Variants in TMEM63C observed in about 807,000 individuals in gnomAD.
TMEM63C encodes the protein transmembrane protein 63C.
A neutral mutation model predicts 99.2 loss-of-function variants in TMEM63C; 32 were observed. That is an observed-to-expected ratio of 0.32 (90% CI 0.24 to 0.43). TMEM63C has a LOEUF of 0.43. Ranked by LOEUF, TMEM63C falls within the 20% of genes least tolerant of loss-of-function variation. The pLI is 1.00. For synonymous variants in TMEM63C, 376 were observed against 397.9 expected, an observed-to-expected ratio of 0.94 and a Z score of 0.66; for missense variants, 826 against 1,053.0, an observed-to-expected ratio of 0.78 and a Z score of 2.98.
chr14:77,241,901 G>A (rs924003016), intron 13 of TMEM63C, among the ~76,000 whole-genome samples: 10 of 152,172 alleles, frequency 6.6e-5, no homozygotes, highest in African/African-American at 1.2e-4. Flanking sequence ...TAGGCACCTC[G>A]ATTTAGTCAT....
At chr14:77,214,126 G>GC (rs1367243595) in intron 2 of TMEM63C, among the ~76,000 whole-genome samples, 1 of 151,956 alleles carries the variant, frequency 6.6e-6, no homozygotes, top group Non-Finnish European at 1.5e-5. Context: ...TTTCCATGGT[G>GC]CCCCCTGGAT....
chr14:77,203,237 C>T (rs1263220883), intron 1 of TMEM63C, among the ~76,000 whole-genome samples: 1 of 150,494 alleles, frequency 6.6e-6, no homozygotes, highest in African/African-American at 2.5e-5. Flanking sequence ...AATTAGCCGG[C>T]CGGGCATGGT....
At chr14:77,185,144 CCAAG>C (rs1437714240) in intron 1 of TMEM63C, among the ~76,000 whole-genome samples, 11 of 152,166 alleles carry the variant, frequency 7.2e-5, no homozygotes, top group African/African-American at 2.7e-4. Flanking sequence ...GGACTAGGAC[CCAAG>C]TGTCCTGGGC....
intron 6 of TMEM63C, among the ~76,000 whole-genome samples, 165 bp downstream of exon 6, chr14:77,225,626 C>T (rs1448132348): frequency 6.6e-6 from 1 of 152,186 alleles, no homozygotes; most frequent in African/African-American, 2.4e-5. Flanking sequence ...TCCTGGGGTA[C>T]AGTTGGTGAC....
At chr14:77,240,638 C>A in intron 13 of TMEM63C, 30 bp downstream of exon 13, 2 of 1,601,904 alleles carry the variant, frequency 1.2e-6, no homozygotes, top group Non-Finnish European at 1.7e-6. Flanking sequence ...CCCACCCAGC[C>A]CCAAGCATAC....
intron 1 of TMEM63C, among the ~76,000 whole-genome samples, chr14:77,208,738 G>A (rs1039693284): frequency 3.3e-5 from 5 of 152,214 alleles, no homozygotes; most frequent in African/African-American, 1.2e-4. Context: ...TTGGCACAGG[G>A]CCTGGCATAT....
chr14:77,197,898 C>G (rs1378823032), intron 1 of TMEM63C, among the ~76,000 whole-genome samples: 1 of 152,250 alleles, frequency 6.6e-6, no homozygotes, highest in African/African-American at 2.4e-5. Flanking sequence ...CAGTCACCTA[C>G]AGCCCACATC....
chr14:77,231,489 GA>G (rs1374222868), intron 6 of TMEM63C, 98 bp from the exon 7 acceptor site: 3 of 1,366,972 alleles, frequency 2.2e-6, no homozygotes, highest in African/African-American at 1.5e-5. Context: ...AAAACTTGGG[GA>G]GGGGGTGATC....
chr14:77,255,622 C>G (rs1337804011), intron 23 of TMEM63C, among the ~76,000 whole-genome samples: 1 of 152,214 alleles, frequency 6.6e-6, no homozygotes, highest in African/African-American at 2.4e-5. Flanking sequence ...GATGCAAGTT[C>G]AACATGGGGC....
At chr14:77,194,545 C>CTT (rs748865272) in intron 1 of TMEM63C, among the ~76,000 whole-genome samples, 6,133 of 26,112 alleles carry the variant, frequency 0.23, 392 homozygotes, top group East Asian at 0.31. Flanking sequence ...TTCTTTCTTT[C>CTT]TTTCTTTCTC....
intron 6 of TMEM63C, among the ~76,000 whole-genome samples, chr14:77,226,795 A>C (rs1322430883): frequency 6.8e-6 from 1 of 146,430 alleles, no homozygotes; most frequent in Non-Finnish European, 1.5e-5. Context: ...TTGAGACAGA[A>C]TATCTCTCTG....
intron 22 of TMEM63C, among the ~76,000 whole-genome samples, chr14:77,252,975 G>A (rs556166236): frequency 6.6e-6 from 1 of 152,252 alleles, no homozygotes; most frequent in African/African-American, 2.4e-5. Context: ...AATTAGAGGG[G>A]AAGCCACAGG....
At chr14:77,242,047 GT>G (rs1047051002) in intron 13 of TMEM63C, among the ~76,000 whole-genome samples, 6 of 152,248 alleles carry the variant, frequency 3.9e-5, no homozygotes, top group Non-Finnish European at 5.9e-5. Flanking sequence ...AAGAAAGAGT[GT>G]GTTTATGTGC....
intron 1 of TMEM63C, among the ~76,000 whole-genome samples, chr14:77,187,627 G>A (rs1036507783): frequency 1.3e-5 from 2 of 152,356 alleles, no homozygotes; most frequent in Admixed American, 6.5e-5. Flanking sequence ...GAGCTGCCAA[G>A]TGGAGGAGCA....
At position 77,218,679 on chromosome 14, in the gene TMEM63C, C is replaced by T; in HGVS notation, c.-13-122C>T. 3.2e-6 allele frequency: 3 copies of T among 931,900 alleles called. No homozygotes were observed. The South Asian group carries it at 4.9e-5, about 15-fold the overall frequency. 57.7% of individuals were successfully genotyped at this position (931,900 alleles called of 1,614,324 possible). On this transcript the variant is annotated intron_variant, in intron 2 of 23. Transcript: ENST00000298351. ...GTGGGCTGGCCCTCCTGTCTTGGGT[C>T]TGAAGTGGCCTAGCCTGGCCGAGGC...
At chr14:77,228,105 A>C (rs1028739023) in intron 6 of TMEM63C, among the ~76,000 whole-genome samples, 1 of 152,094 alleles carries the variant, frequency 6.6e-6, no homozygotes, top group African/African-American at 2.4e-5. Context: ...AAAGAGGTGG[A>C]AGGAAGGGAA....
At chr14:77,214,019 C>T (rs766832000) in intron 2 of TMEM63C, among the ~76,000 whole-genome samples, 1 of 152,080 alleles carries the variant, frequency 6.6e-6, no homozygotes, top group Non-Finnish European at 1.5e-5. Context: ...GCACAAGCAG[C>T]CCAGACTCCC....
intron 21 of TMEM63C, among the ~76,000 whole-genome samples, chr14:77,251,418 G>C (rs369409470): frequency 6.6e-6 from 1 of 152,162 alleles, no homozygotes; most frequent in South Asian, 2.1e-4. Context: ...CACTTCAAAA[G>C]GGCTTGCAGG....
At chr14:77,191,538 CTTTTTTTTTTTT>C (rs71125542) in intron 1 of TMEM63C, among the ~76,000 whole-genome samples, 2 of 82,610 alleles carry the variant, frequency 2.4e-5, no homozygotes, top group South Asian at 4.8e-4. Context: ...TTTTCTTTTT[CTTTTTTTTTTTT>C]TTTTTTTTTT....
Sources: allele counts gnomAD v4.1 joint callset (sites outside exome capture counted in the v4.1 genomes callset), GRCh38; gene constraint gnomAD v4.1.1; transcripts MANE v1.5; gene names NCBI Gene and HGNC (gene_info 2026-07-23, HGNC 2026-07-21).